The following LINGO2 variants were observed in gnomAD, a reference collection of about 807,000 sequenced individuals.
LINGO2 encodes leucine-rich repeat and immunoglobulin-like domain-containing nogo receptor-interacting protein 2.
LINGO2 carries 14 observed loss-of-function variants against 30.6 expected under a neutral mutation model. The observed-to-expected ratio is 0.46, with a 90% CI of 0.30 to 0.72. The LOEUF (loss-of-function observed/expected upper bound fraction) is 0.72. LINGO2 is among the 30% of genes least tolerant of loss of function. LINGO2 has a pLI of 0.07. For synonymous variants in LINGO2, 317 were observed against 288.5 expected, an observed-to-expected ratio of 1.10 and a Z score of -1.00; for missense variants, 729 against 751.7, an observed-to-expected ratio of 0.97 and a Z score of 0.35.
intron 2 of LINGO2, among the ~76,000 whole-genome samples, chr9:28,403,943 G>A (rs1251500345): frequency 6.6e-6 from 1 of 151,984 alleles, no homozygotes; most frequent in Non-Finnish European, 1.5e-5. Flanking sequence ...TCCTTAAGAT[G>A]AAGATTAATT....
intron 4 of LINGO2, among the ~76,000 whole-genome samples, chr9:28,057,346 A>G (rs1191628608): frequency 6.6e-6 from 1 of 151,930 alleles, no homozygotes; most frequent in Non-Finnish European, 1.5e-5. Flanking sequence ...TAAATCTACA[A>G]AAGGGAAACA....
intron 4 of LINGO2, among the ~76,000 whole-genome samples, chr9:28,219,949 G>A (rs180719875): frequency 6.6e-6 from 1 of 152,220 alleles, no homozygotes; most frequent in East Asian, 1.9e-4. Context: ...TAAAATTCCA[G>A]AAAATATTAC....
the LINGO2 span, among the ~76,000 whole-genome samples, chr9:28,959,575 CTCTTT>C: frequency 1.4e-5 from 2 of 139,706 alleles, no homozygotes; most frequent in Non-Finnish European, 1.5e-5. Flanking sequence ...CAGTTCCTTT[CTCTTT>C]TCTTTTATCT....
At chr9:28,360,218 A>G (rs1820387180) in intron 3 of LINGO2, among the ~76,000 whole-genome samples, 1 of 152,152 alleles carries the variant, frequency 6.6e-6, no homozygotes, top group South Asian at 2.1e-4. Flanking sequence ...AATGAGAAAA[A>G]TGAATTTCAA....
At chr9:28,698,956 C>A in the LINGO2 span, among the ~76,000 whole-genome samples, 8 of 151,882 alleles carry the variant, frequency 5.3e-5, no homozygotes, top group Non-Finnish European at 8.8e-5. Context: ...GTGGGAGGTT[C>A]ACTGAAGCCC....
At chr9:28,260,033 C>T (rs67309573) in intron 4 of LINGO2, among the ~76,000 whole-genome samples, 15,539 of 151,716 alleles carry the variant, frequency 0.1, 837 homozygotes, top group East Asian at 0.15. Context: ...TTAAGATACC[C>T]TGTTTGCCTA....
At chr9:28,790,642 G>A in the LINGO2 span, among the ~76,000 whole-genome samples, 6 of 151,778 alleles carry the variant, frequency 4.0e-5, no homozygotes, top group African/African-American at 1.5e-4. Context: ...CCTACTTTAC[G>A]CATCTTATAG....
At chr9:28,536,859 G>A (rs532346471) in intron 1 of LINGO2, among the ~76,000 whole-genome samples, 1 of 152,098 alleles carries the variant, frequency 6.6e-6, no homozygotes, top group South Asian at 2.1e-4. Flanking sequence ...TCTCTGTTAT[G>A]GTTTGACTTG....
intron 1 of LINGO2, among the ~76,000 whole-genome samples, chr9:28,560,710 A>G (rs912508012): frequency 1.3e-5 from 2 of 151,944 alleles, no homozygotes; most frequent in African/African-American, 4.8e-5. Context: ...TCTGTCACCC[A>G]GGTTGGAGTG....
the LINGO2 span, among the ~76,000 whole-genome samples, chr9:28,975,317 T>C: frequency 6.6e-6 from 1 of 152,196 alleles, no homozygotes; most frequent in East Asian, 1.9e-4. Flanking sequence ...CAACTTAATC[T>C]ATATTTTAAG....
chr9:28,084,906 G>C lies in LINGO2; in HGVS notation c.-86-72501C>G, dbSNP rs537260949. Among the ~76,000 whole-genome samples, 5 of 152,246 alleles carry C rather than the reference G, an allele frequency of 3.3e-5. No homozygotes were observed. In the South Asian group the frequency reaches 8.3e-4, roughly 25 times the overall value. The stretch of plus-strand genomic sequence containing the variant: ...GGGTGAGGGCCCTTGGAGAAGGAAA[G>C]TATGAGAAGATCTTTTGCAGGAGCT... On this transcript the variant is annotated intron_variant, in intron 4 of 5. Coordinates refer to ENST00000379992, the Ensembl canonical transcript of LINGO2.
intron 2 of LINGO2, among the ~76,000 whole-genome samples, chr9:28,382,970 TAA>T (rs1181697073): frequency 1.3e-5 from 2 of 152,004 alleles, no homozygotes; most frequent in Admixed American, 6.6e-5. Context: ...AACAAATATA[TAA>T]CAGTTAAAAC....
At chr9:28,033,945 A>G (rs1563929467) in intron 4 of LINGO2, among the ~76,000 whole-genome samples, 1 of 152,278 alleles carries the variant, frequency 6.6e-6, no homozygotes, top group East Asian at 1.9e-4. Context: ...ATTCTTGTAA[A>G]CACACTTCAA....
chr9:27,987,824 A>C (rs1415357631), intron 5 of LINGO2, among the ~76,000 whole-genome samples: 1 of 151,880 alleles, frequency 6.6e-6, no homozygotes, highest in Admixed American at 6.6e-5. Flanking sequence ...CACACACACA[A>C]AATCCCAAAC....
intron 3 of LINGO2, among the ~76,000 whole-genome samples, chr9:28,304,469 A>G (rs1824267631): frequency 1.3e-5 from 2 of 151,956 alleles, no homozygotes. Context: ...TTAAGAAATC[A>G]GTATATCCCT....
At chr9:28,516,782 T>C (rs1820635221) in intron 1 of LINGO2, among the ~76,000 whole-genome samples, 1 of 152,198 alleles carries the variant, frequency 6.6e-6, no homozygotes, top group African/African-American at 2.4e-5. Context: ...CAGGTTGAAA[T>C]ATCTTCTTAG....
At chr9:28,065,866 C>G (rs540864224) in intron 4 of LINGO2, among the ~76,000 whole-genome samples, 10 of 152,044 alleles carry the variant, frequency 6.6e-5, no homozygotes, top group African/African-American at 2.4e-4. Flanking sequence ...GGCAGCAGCT[C>G]ACAAAAACCC....
intron 1 of LINGO2, among the ~76,000 whole-genome samples, chr9:28,586,186 AT>A (rs556917837): frequency 3.8e-4 from 58 of 151,482 alleles, no homozygotes; most frequent in South Asian, 3.7e-3. Context: ...TTGTAATTTA[AT>A]TTTTTTTTAT....
intron 1 of LINGO2, among the ~76,000 whole-genome samples, chr9:28,556,735 G>A (rs1241055364): frequency 6.6e-6 from 1 of 151,898 alleles, no homozygotes; most frequent in Non-Finnish European, 1.5e-5. Context: ...CACACTACCT[G>A]ACTTCAAACT....
Sources: gnomAD v4.1 joint callset for allele counts (sites outside exome capture counted in the v4.1 genomes callset) on GRCh38, gnomAD v4.1.1 for gene constraint, MANE v1.5 for transcripts, NCBI Gene and HGNC (gene_info 2026-07-23, HGNC 2026-07-21) for gene names.